DGKB: variants seen among roughly 807,000 people sequenced by gnomAD.
DGKB encodes diacylglycerol kinase beta.
DGKB carries 67 observed loss-of-function variants against 114.3 expected under a neutral mutation model. That is an observed-to-expected ratio of 0.59 (90% CI 0.48 to 0.72). The LOEUF (loss-of-function observed/expected upper bound fraction) is 0.72, where lower values mean the gene tolerates loss of function less well. DGKB is among the 30% of genes least tolerant of loss of function. DGKB has a pLI of 0.00. For synonymous variants in DGKB, 398 were observed against 323.1 expected, an observed-to-expected ratio of 1.23 and a Z score of -2.49; for missense variants, 907 against 975.2, an observed-to-expected ratio of 0.93 and a Z score of 0.93.
chr7:14,254,860 A>G (rs1795735886), intron 23 of DGKB, among the ~76,000 whole-genome samples: 1 of 152,116 alleles, frequency 6.6e-6, no homozygotes, highest in African/African-American at 2.4e-5. Context: ...CCCTTCCATA[A>G]TACCTTGTAA....
chr7:14,560,493 G>A (rs529776968), intron 20 of DGKB, among the ~76,000 whole-genome samples: 1 of 152,092 alleles, frequency 6.6e-6, no homozygotes, highest in East Asian at 1.9e-4. Flanking sequence ...TTTCATCTAG[G>A]ATAATGTCCT....
At chr7:14,392,995 G>GTTTTTGTTTTTGTTTTT in intron 21 of DGKB, among the ~76,000 whole-genome samples, 5 of 60,544 alleles carry the variant, frequency 8.3e-5, no homozygotes, top group Non-Finnish European at 1.0e-4. Flanking sequence ...TTTTGTTTTT[G>GTTTTTGTTTTTGTTTTT]TTTTTTTTTT....
At chr7:14,686,010 T>A (rs932136103) in intron 9 of DGKB, among the ~76,000 whole-genome samples, 1 of 152,204 alleles carries the variant, frequency 6.6e-6, no homozygotes, top group African/African-American at 2.4e-5. Flanking sequence ...GATTTCATTA[T>A]GTTACCATTT....
At position 14,147,281 on chromosome 7, in the gene DGKB, T is replaced by A. The variant is rs1446022768; in HGVS notation, c.*1850A>T. 2.0e-5 allele frequency: 3 copies of A among 152,192 alleles called. No homozygotes were observed. The highest frequency in any genetic ancestry group is 1.3e-4 in the Admixed American group (2 of 15,278). 9.4% of individuals were successfully genotyped at this position (152,192 alleles called of 1,614,324 possible). A position where few individuals can be genotyped will look rare whatever the true frequency, so the allele number is the denominator to read the frequency against. On this transcript the variant is annotated 3_prime_UTR_variant, in exon 26 of 26. Transcript: ENST00000402815. ...TGCTGTACTAAATTTGCAATTGTAA[T>A]CATAATTTTCCTGGGAATGCTAAAT...
At chr7:14,652,209 A>C (rs1235419472) in intron 13 of DGKB, among the ~76,000 whole-genome samples, 1 of 151,496 alleles carries the variant, frequency 6.6e-6, no homozygotes, top group Non-Finnish European at 1.5e-5. Context: ...CTAAGCCAAA[A>C]GAACAAAGCT....
At chr7:14,492,322 T>C (rs1234160244) in intron 20 of DGKB, among the ~76,000 whole-genome samples, 1 of 151,744 alleles carries the variant, frequency 6.6e-6, no homozygotes, top group Non-Finnish European at 1.5e-5. Context: ...AGTGAGGAGG[T>C]AGCTATTGTC....
intron 21 of DGKB, among the ~76,000 whole-genome samples, chr7:14,378,522 G>T (rs1583509116): frequency 1.3e-5 from 2 of 152,126 alleles, no homozygotes; most frequent in Non-Finnish European, 2.9e-5. Flanking sequence ...TAAAAAATTT[G>T]TGGATGATAG....
At chr7:14,370,540 A>G (rs931324480) in intron 21 of DGKB, among the ~76,000 whole-genome samples, 1 of 152,078 alleles carries the variant, frequency 6.6e-6, no homozygotes, top group African/African-American at 2.4e-5. Flanking sequence ...CATGATATTG[A>G]TTCTTCCTAT....
chr7:14,254,773 C>G (rs1354640521), intron 23 of DGKB, among the ~76,000 whole-genome samples: 1 of 152,046 alleles, frequency 6.6e-6, no homozygotes, highest in Admixed American at 6.6e-5. Context: ...AGTGTGTGAT[C>G]AAGTATATTC....
chr7:14,207,994 G>A (rs13221811), intron 23 of DGKB, among the ~76,000 whole-genome samples: 20,969 of 151,988 alleles, frequency 0.14, 1,541 homozygotes, highest in Non-Finnish European at 0.14. Context: ...TGTTTGTAAA[G>A]CTCTACTCTA....
chr7:14,609,226 T>C (rs553336484), intron 16 of DGKB, among the ~76,000 whole-genome samples: 4 of 151,906 alleles, frequency 2.6e-5, no homozygotes, highest in Non-Finnish European at 5.9e-5. Flanking sequence ...AGTAGAAAAC[T>C]CAGAAATAAA....
At chr7:14,442,900 G>A (rs1830261666) in intron 21 of DGKB, among the ~76,000 whole-genome samples, 1 of 151,942 alleles carries the variant, frequency 6.6e-6, no homozygotes, top group Admixed American at 6.6e-5. Flanking sequence ...GAATGTCTAA[G>A]TAAACATCTT....
At chr7:14,879,345 C>G (rs570078659) in intron 1 of DGKB, among the ~76,000 whole-genome samples, 2 of 149,488 alleles carry the variant, frequency 1.3e-5, no homozygotes, top group Non-Finnish European at 2.9e-5. Flanking sequence ...TAAATGAATG[C>G]GGTCAGGATC....
chr7:14,571,449 T>G (rs1798369482), intron 20 of DGKB, among the ~76,000 whole-genome samples: 1 of 152,202 alleles, frequency 6.6e-6, no homozygotes, highest in African/African-American at 2.4e-5. Context: ...AGCCTGAGTT[T>G]GTGAAACTGA....
At chr7:14,814,300 C>T (rs1843809379) in intron 2 of DGKB, among the ~76,000 whole-genome samples, 1 of 152,046 alleles carries the variant, frequency 6.6e-6, no homozygotes, top group Non-Finnish European at 1.5e-5. Context: ...CACTTTATTA[C>T]CAGAGTGAGG....
intron 2 of DGKB, among the ~76,000 whole-genome samples, chr7:14,826,190 G>T (rs750783695): frequency 2.0e-5 from 3 of 152,106 alleles, no homozygotes; most frequent in Non-Finnish European, 4.4e-5. Context: ...ACCTGGAAAT[G>T]GATTCGGCCT....
intron 7 of DGKB, among the ~76,000 whole-genome samples, chr7:14,700,558 C>A (rs1585779125): frequency 6.6e-6 from 1 of 152,142 alleles, no homozygotes; most frequent in African/African-American, 2.4e-5. Flanking sequence ...ATAAATCCCA[C>A]AATCACAGCA....
At chr7:14,278,567 T>C (rs1201284241) in intron 23 of DGKB, among the ~76,000 whole-genome samples, 2 of 152,130 alleles carry the variant, frequency 1.3e-5, no homozygotes, top group Admixed American at 6.5e-5. Context: ...AAAATGTTCA[T>C]GACATTGGTC....
intron 23 of DGKB, among the ~76,000 whole-genome samples, chr7:14,303,807 C>T (rs911255810): frequency 2.0e-5 from 3 of 151,932 alleles, no homozygotes; most frequent in African/African-American, 4.8e-5. Flanking sequence ...AGCCTTTCAC[C>T]GAAGGTGGCC....
Sources: allele counts gnomAD v4.1 joint callset (sites outside exome capture counted in the v4.1 genomes callset), GRCh38; gene constraint gnomAD v4.1.1; transcripts MANE v1.5; gene names NCBI Gene and HGNC (gene_info 2026-07-23, HGNC 2026-07-21).